Variants in UNC79 observed in about 807,000 individuals in gnomAD.
UNC79 encodes protein unc-79 homolog.
In UNC79, 37 loss-of-function variants were observed where a neutral mutation model predicts 283.1. That is an observed-to-expected ratio of 0.13 (90% CI 0.10 to 0.17). UNC79 has a LOEUF of 0.17. Ranked by LOEUF, UNC79 falls within the 10% of genes least tolerant of loss-of-function variation. UNC79 has a pLI of 1.00. For synonymous variants in UNC79, 1,107 were observed against 1,200.2 expected, an observed-to-expected ratio of 0.92 and a Z score of 1.61; for missense variants, 2,272 against 3,211.1, an observed-to-expected ratio of 0.71 and a Z score of 7.07.
At chr14:93,373,752 C>G (rs1222778646) in intron 1 of UNC79, among the ~76,000 whole-genome samples, 2 of 152,192 alleles carry the variant, frequency 1.3e-5, no homozygotes, top group East Asian at 3.8e-4. Context: ...CTAACACATT[C>G]TGCAAGGCCA....
At chr14:93,705,700 G>A (rs969443547) in intron 48 of UNC79, among the ~76,000 whole-genome samples, 4 of 152,224 alleles carry the variant, frequency 2.6e-5, no homozygotes, top group Non-Finnish European at 4.4e-5. Flanking sequence ...CAGAGTTACT[G>A]GGCGTGACTT....
intron 1 of UNC79, among the ~76,000 whole-genome samples, chr14:93,453,609 A>G (rs902746774): frequency 2.0e-5 from 3 of 152,242 alleles, no homozygotes; most frequent in African/African-American, 7.2e-5. Flanking sequence ...TTAATTAGAA[A>G]GTGCAAGCTC....
intron 32 of UNC79, among the ~76,000 whole-genome samples, chr14:93,639,517 C>A (rs2068826075): frequency 6.6e-6 from 1 of 152,134 alleles, no homozygotes; most frequent in East Asian, 1.9e-4. Context: ...CTTTATGAAA[C>A]AATTGAAGAT....
At chr14:93,472,812 G>T (rs2057589122) in intron 2 of UNC79, among the ~76,000 whole-genome samples, 1 of 152,042 alleles carries the variant, frequency 6.6e-6, no homozygotes, top group Non-Finnish European at 1.5e-5. Context: ...GTAAAACAAG[G>T]TTATTTTTAT....
intron 20 of UNC79, 151 bp downstream of exon 20, chr14:93,582,495 T>C (rs1203266338): frequency 1.7e-6 from 2 of 1,195,264 alleles, no homozygotes; most frequent in Non-Finnish European, 2.3e-6. Flanking sequence ...CAGCGGATTA[T>C]AAAATGAACA....
Position 93,422,125 on chromosome 14 carries a change from A to G in UNC79, c.-350-45546A>G, listed in dbSNP as rs988018688. ...GATATGGGCCCAAGGTAGTTATGGTATGGCCTGCTTTTATACCTTTTAGGG... is the reference window on the plus strand; with the variant it reads ...GATATGGGCCCAAGGTAGTTATGGTGTGGCCTGCTTTTATACCTTTTAGGG... On this transcript the variant is annotated intron_variant, in intron 1 of 49. Transcript: ENST00000256339. 8.6e-5 allele frequency among the ~76,000 whole-genome samples: 13 copies of G among 151,830 alleles called. 2 individuals are homozygous for G. The highest frequency in any genetic ancestry group is 3.9e-4 in the Admixed American group (6 of 15,248).
intron 29 of UNC79, among the ~76,000 whole-genome samples, chr14:93,620,209 G>A (rs1023278336): frequency 6.6e-6 from 1 of 152,172 alleles, no homozygotes. Context: ...TCAGAGAAGA[G>A]TCTTACTTTA....
intron 47 of UNC79, among the ~76,000 whole-genome samples, chr14:93,699,119 TA>T (rs891394430): frequency 1.1e-4 from 16 of 152,118 alleles, no homozygotes; most frequent in African/African-American, 3.6e-4. Context: ...ATGTTGCTTT[TA>T]AAAAAATGCA....
In UNC79 at chr14:93,634,016, TTC is replaced by T. The variant is rs1372236637; in HGVS notation, c.5716+3116_5716+3117del. Among the ~76,000 whole-genome samples the T allele has an allele frequency of 2.0e-5, 3 of 152,220 alleles. No homozygotes were observed. In the East Asian group the frequency reaches 5.8e-4, roughly 29 times the overall value. ...GTCATATAATTTCATTTGCTTCAAT[TTC>T]TCTCTCTAAAAATTGGGGTTGATAT... On this transcript the variant is annotated intron_variant, in intron 31 of 48. Coordinates refer to ENST00000555664, the Ensembl canonical transcript of UNC79.
intron 1 of UNC79, among the ~76,000 whole-genome samples, chr14:93,417,089 G>A (rs997130667): frequency 9.9e-5 from 15 of 152,242 alleles, no homozygotes; most frequent in East Asian, 9.7e-4. Context: ...TATTTTGCTC[G>A]TTAGTTGATC....
intron 14 of UNC79, among the ~76,000 whole-genome samples, chr14:93,565,794 C>T (rs2062842126): frequency 6.6e-6 from 1 of 152,168 alleles, no homozygotes; most frequent in South Asian, 2.1e-4. Flanking sequence ...AAGAAGATTA[C>T]AGAGTTCAAA....
chr14:93,501,475 G>A, intron 7 of UNC79, among the ~76,000 whole-genome samples: 1 of 152,064 alleles, frequency 6.6e-6, no homozygotes. Flanking sequence ...AAATCATGAG[G>A]TCAGGAGATC....
chr14:93,458,586 TAAATC>T (rs575958113), intron 1 of UNC79, among the ~76,000 whole-genome samples: 120 of 152,184 alleles, frequency 7.9e-4, no homozygotes, highest in African/African-American at 2.8e-3. Flanking sequence ...TGGAAGGAAA[TAAATC>T]AAGAAAAAGA....
chr14:93,653,108 AC>A (rs1340893104), intron 35 of UNC79, among the ~76,000 whole-genome samples: 1 of 151,750 alleles, frequency 6.6e-6, no homozygotes, highest in Non-Finnish European at 1.5e-5. Flanking sequence ...CTGGTAACTT[AC>A]CCCCTAACTA....
At chr14:93,487,638 C>G (rs776120918) in intron 4 of UNC79, 25 bp from the exon 5 acceptor site, 6 of 1,599,812 alleles carry the variant, frequency 3.8e-6, no homozygotes, top group African/African-American at 1.3e-5. Flanking sequence ...TAAATTGTGT[C>G]TAATCAAAGA....
At chr14:93,463,278 G>C (rs899105997) in intron 1 of UNC79, among the ~76,000 whole-genome samples, 2 of 152,094 alleles carry the variant, frequency 1.3e-5, no homozygotes. Context: ...GCAATCTGGA[G>C]GCTCTAGATG....
At chr14:93,657,713 C>G (rs2071106680) in intron 38 of UNC79, among the ~76,000 whole-genome samples, 1 of 152,122 alleles carries the variant, frequency 6.6e-6, no homozygotes. Context: ...AACTTGGGCA[C>G]AGAAGAGTGG....
chr14:93,600,440 A>T, intron 24 of UNC79, 129 bp from the exon 25 acceptor site: 1 of 605,078 alleles, frequency 1.7e-6, no homozygotes, highest in Non-Finnish European at 2.8e-6. Context: ...GGATCATTCT[A>T]CATTATAAGT....
At chr14:93,535,572 C>T (rs193302550) in intron 11 of UNC79, among the ~76,000 whole-genome samples, 71 of 152,258 alleles carry the variant, frequency 4.7e-4, no homozygotes, top group African/African-American at 1.6e-3. Flanking sequence ...ATGTTTGGGG[C>T]TTCATCTGGG....
Sources: allele counts gnomAD v4.1 joint callset (sites outside exome capture counted in the v4.1 genomes callset), GRCh38; gene constraint gnomAD v4.1.1; transcripts MANE v1.5; gene names NCBI Gene and HGNC (gene_info 2026-07-23, HGNC 2026-07-21).